Variants in VPS53 observed in about 807,000 individuals in gnomAD.
VPS53 encodes the protein vacuolar protein sorting-associated protein 53 homolog.
Under a neutral mutation model 107.0 loss-of-function variants are expected in VPS53, and 70 were observed. The observed-to-expected ratio is 0.65, with a 90% CI of 0.54 to 0.80. The LOEUF (loss-of-function observed/expected upper bound fraction) is 0.80. Ranked by LOEUF, VPS53 falls within the 30% of genes least tolerant of loss-of-function variation. The probability of loss-of-function intolerance (pLI) is 0.00; values close to 1 mark genes in which losing one functional copy is unlikely to be tolerated. For synonymous variants in VPS53, 409 were observed against 393.3 expected, an observed-to-expected ratio of 1.04 and a Z score of -0.47; for missense variants, 917 against 1,049.4, an observed-to-expected ratio of 0.87 and a Z score of 1.74.
chr17:650,855 T>C (rs554061274), intron 7 of VPS53, among the ~76,000 whole-genome samples: 1 of 152,218 alleles, frequency 6.6e-6, no homozygotes, highest in Non-Finnish European at 1.5e-5. Context: ...TATGGGGTTC[T>C]GTGCATCAAT....
In VPS53 at chr17:618,570, T is replaced by C. The variant is rs532670249; in HGVS notation, c.1116+4963A>G. 2.6e-5 allele frequency among the ~76,000 whole-genome samples: 4 copies of C among 151,496 alleles called. No individual in the cohort carries two copies. The East Asian group carries it at 7.8e-4, about 30-fold the overall frequency. On this transcript the variant is annotated intron_variant, in intron 11 of 21. Coordinates refer to ENST00000437048, the MANE Select transcript of VPS53 (RefSeq NM_001128159.3). ...CATGCGCCATCAGGCCCCGCTATTA[T>C]TTCCCAGGTAGCTGGGACTACAGGC...
Position 655,848 on chromosome 17 carries a change from C to A in VPS53, c.478G>T (p.Asp160Tyr). 3 of 1,612,956 alleles carry A rather than the reference C, an allele frequency of 1.9e-6. No individual in the cohort carries two copies. The highest frequency in any genetic ancestry group is 2.5e-6 in the Non-Finnish European group (3 of 1,179,464). ...NHLHMLAGGV[D>Y]SLEAMTRRRQ... is the part of the protein sequence containing the mutation. ...GTTGGCATTGCTTACTCGAGGGAGT[C>A]GACACCTCCTGCCAGCATGTGCAGG... Residue 160 changes from aspartate (D) to tyrosine (Y), a missense_variant, in exon 6 of 22, where the codon GAC becomes TAC. Transcript: ENST00000437048.
chr17:673,119 A>C (rs1443111695), intron 4 of VPS53, among the ~76,000 whole-genome samples: 8 of 149,328 alleles, frequency 5.4e-5, no homozygotes, highest in Admixed American at 6.7e-5. Context: ...CGCAAAAAAA[A>C]AACAAAAACA....
At chr17:697,696 G>A (rs1246763608) in intron 3 of VPS53, among the ~76,000 whole-genome samples, 1 of 152,162 alleles carries the variant, frequency 6.6e-6, no homozygotes, top group Non-Finnish European at 1.5e-5. Context: ...GCATCGCCTT[G>A]TTGTTAAAAA....
rs1225832907 is a variant in VPS53, at chr17:542,850, C to G, written c.1867-5674G>C. ...AAAATTAGCCGGGTGTGGTGGCAGGCACCTGCAATCCCAGCTACTTGGGAG... is the reference window on the plus strand; with the variant it reads ...AAAATTAGCCGGGTGTGGTGGCAGGGACCTGCAATCCCAGCTACTTGGGAG... On this transcript the variant is annotated intron_variant, in intron 17 of 21. Transcript: ENST00000437048. Among the ~76,000 whole-genome samples the G allele has an allele frequency of 2.6e-5, 4 of 151,928 alleles. No individual in the cohort carries two copies. The East Asian group carries it at 7.7e-4, about 29-fold the overall frequency.
At chr17:583,145 C>T (rs1198086429) in intron 13 of VPS53, among the ~76,000 whole-genome samples, 3 of 151,510 alleles carry the variant, frequency 2.0e-5, no homozygotes, top group African/African-American at 7.3e-5. Context: ...AGAGAATCTC[C>T]CTCAGAACCT....
At chr17:673,937 G>A (rs530959544) in intron 4 of VPS53, 9 of 152,246 alleles carry the variant, frequency 5.9e-5, no homozygotes, top group South Asian at 4.1e-4. Flanking sequence ...GACGAGGCTC[G>A]GAAACAAATT....
intron 13 of VPS53, among the ~76,000 whole-genome samples, chr17:585,350 G>T (rs933924509): frequency 4.6e-5 from 7 of 152,312 alleles, no homozygotes; most frequent in African/African-American, 1.4e-4. Context: ...CTGAGGTCGT[G>T]AAAGACAAAG....
In VPS53 at chr17:534,930, A is replaced by AAC. The variant is rs1475013966; in HGVS notation, c.2016-2020_2016-2019insGT. Reference sequence around the variant, plus strand: ...GGGACCCTGTATCAAAAAAAAAAAAAAAAACCTTTGGCTGTGCCCCTGAAC... The same window carrying AAC: ...GGGACCCTGTATCAAAAAAAAAAAAAACAAAACCTTTGGCTGTGCCCCTGAAC... On this transcript the variant is annotated intron_variant, in intron 18 of 21. Coordinates refer to ENST00000437048, the MANE Select transcript of VPS53 (RefSeq NM_001128159.3). Among the ~76,000 whole-genome samples, 9 of 151,870 alleles carry AAC rather than the reference A, an allele frequency of 5.9e-5. No individual in the cohort carries two copies. In the East Asian group the frequency reaches 1.8e-3, roughly 30 times the overall value.
At chr17:634,129 C>A (rs1165614149) in intron 7 of VPS53, among the ~76,000 whole-genome samples, 2 of 152,144 alleles carry the variant, frequency 1.3e-5, no homozygotes, top group African/African-American at 4.8e-5. Context: ...CCGGCTCTGC[C>A]CCTGGCCCGA....
chr17:666,126 A>G (rs1597460895), intron 4 of VPS53, among the ~76,000 whole-genome samples: 1 of 152,224 alleles, frequency 6.6e-6, no homozygotes, highest in East Asian at 1.9e-4. Context: ...TACTTTAGAG[A>G]TGATATGTAA....
At chr17:707,752 C>T (rs1370236795) in intron 2 of VPS53, among the ~76,000 whole-genome samples, 1 of 149,314 alleles carries the variant, frequency 6.7e-6, no homozygotes, top group Non-Finnish European at 1.5e-5. Flanking sequence ...CTCAGAAGGC[C>T]GATGTAGTGG....
chr17:571,532 G>GGTCTCCCTCTCCCCCTCCCTACA (rs1914071401), intron 13 of VPS53, among the ~76,000 whole-genome samples: 1 of 135,006 alleles, frequency 7.4e-6, no homozygotes, highest in Non-Finnish European at 1.6e-5. Context: ...CTCTCCCTAC[G>GGTCTCCCTCTCCCCCTCCCTACA]GTCTCCCTCT....
chr17:576,471 G>C (rs1376519801), intron 13 of VPS53, among the ~76,000 whole-genome samples: 2 of 147,030 alleles, frequency 1.4e-5, no homozygotes, highest in East Asian at 4.2e-4. Context: ...TGCATTCCCA[G>C]AGAATCTCCC....
In VPS53 at chr17:537,064, C is replaced by T; in HGVS notation, c.1979G>A (p.Arg660His). The part of the protein sequence containing the change: ...PIIRDNLAST[R>H]KYFTQFCVKF... ...AACGCAGAACTGAGTGAAGTACTTG[C>T]GTGTGGAAGCCAGGTTGTCACGGAT... The change falls in exon 18 of 22, where the codon CGC becomes CAC. Residue 660 changes from arginine (R) to histidine (H), a missense_variant. Coordinates refer to ENST00000437048, the MANE Select transcript of VPS53 (RefSeq NM_001128159.3). 8.7e-6 allele frequency: 14 copies of T among 1,614,152 alleles called. No homozygotes were observed. The highest frequency in any genetic ancestry group is 1.1e-5 in the South Asian group (1 of 91,086).
In VPS53 at chr17:628,154, T is replaced by C. The variant is rs151309498; in HGVS notation, c.765A>G (p.Glu255=). The change falls in exon 9 of 22, where the codon GAA becomes GAG. Residue 255 remains glutamate, a synonymous_variant. Coordinates refer to ENST00000437048, the MANE Select transcript of VPS53 (RefSeq NM_001128159.3). ...GCTGTTTAATAAACTTTTTGATGATTTCCTGTTTGATCCTGGGATCTAGAA... is the reference window on the plus strand; with the variant it reads ...GCTGTTTAATAAACTTTTTGATGATCTCCTGTTTGATCCTGGGATCTAGAA... ...ANILDPRIKQ[E]IIKKFIKQHL... 4.6e-5 allele frequency: 75 copies of C among 1,614,042 alleles called. No homozygotes were observed. In the African/African-American group the frequency reaches 8.7e-4, roughly 19 times the overall value.
intron 13 of VPS53, among the ~76,000 whole-genome samples, chr17:566,272 A>C (rs1325586588): frequency 6.6e-6 from 1 of 152,092 alleles, no homozygotes; most frequent in East Asian, 1.9e-4. Context: ...AGGCAATGCT[A>C]ATCAACAAGG....
Position 661,821 on chromosome 17 carries a change from T to C in VPS53, c.360A>G (p.Lys120=). 1.3e-6 allele frequency: 2 copies of C among 1,552,276 alleles called. No homozygotes were observed. The highest frequency in any genetic ancestry group is 2.4e-5 in the South Asian group (2 of 84,050). ...AACCAGAACTCACCATTTGCTCTGA[T>C]TTTTCAGCTTTGTCTTTGATATCTT... ...KIKDIKDKAE[K]SEQMVKEITR... Residue 120 remains lysine (K), a synonymous_variant, in exon 5 of 22, where the codon AAA becomes AAG. Coordinates refer to ENST00000437048, the MANE Select transcript of VPS53 (RefSeq NM_001128159.3).
intron 11 of VPS53, among the ~76,000 whole-genome samples, chr17:613,453 TCA>T (rs1454040738): frequency 2.7e-5 from 4 of 150,294 alleles, no homozygotes; most frequent in African/African-American, 4.9e-5. Flanking sequence ...AATAGTGAAT[TCA>T]CACAGTGAAA....
Sources: gnomAD v4.1 joint callset for allele counts (sites outside exome capture counted in the v4.1 genomes callset) on GRCh38, gnomAD v4.1.1 for gene constraint, MANE v1.5 for transcripts, NCBI Gene and HGNC (gene_info 2026-07-23, HGNC 2026-07-21) for gene names.